The following VWA8 variants were observed in gnomAD, a reference collection of about 807,000 sequenced individuals.
VWA8 encodes the protein von Willebrand factor A domain containing 8, also known as von Willebrand factor A domain-containing protein 8.
A neutral mutation model predicts 241.5 loss-of-function variants in VWA8; 221 were observed. The observed-to-expected ratio is 0.91, with a 90% confidence interval of 0.82 to 1.02. The LOEUF (loss-of-function observed/expected upper bound fraction) is 1.02, where lower values mean the gene tolerates loss of function less well. VWA8 is among the 50% of genes least tolerant of loss of function. VWA8 has a pLI of 0.00. For missense variants in VWA8, 2,322 were observed against 2,328.7 expected, an observed-to-expected ratio of 1.00 and a Z score of 0.06; for synonymous variants, 852 against 827.1, an observed-to-expected ratio of 1.03 and a Z score of -0.52.
At chr13:41,954,524 A>G (rs1168602587) in intron 1 of VWA8, among the ~76,000 whole-genome samples, 1 of 152,146 alleles carries the variant, frequency 6.6e-6, no homozygotes, top group African/African-American at 2.4e-5. Context: ...CTCCCCATTG[A>G]ACCTTCCCTA....
In VWA8 at chr13:41,704,463, C is replaced by A. The variant is rs79536880; in HGVS notation, c.3117-1052G>T. Among the ~76,000 whole-genome samples the A allele has an allele frequency of 1.8e-3, 17 of 9,206 alleles. No homozygotes were observed. The East Asian group carries it at 0.12, about 64-fold the overall frequency. 6.0% of individuals were successfully genotyped at this position (9,206 alleles called of 152,430 possible). A position where few individuals can be genotyped will look rare whatever the true frequency, so the allele number is the denominator to read the frequency against. On this transcript the variant is annotated intron_variant, in intron 26 of 44. Coordinates refer to ENST00000379310, the MANE Select transcript of VWA8 (RefSeq NM_015058.2). ...GCAGATAATTTTTTTTAAGTCTTCA[C>A]TTTTTTTTTTTTTTCTTTGAGACAG...
At position 41,885,995 on chromosome 13, in the gene VWA8, C is replaced by CA; in HGVS notation, c.899dup (p.Cys301ValfsTer17). 6.2e-7 allele frequency: 1 copy of CA among 1,606,430 alleles called. No individual in the cohort carries two copies. The highest frequency in any genetic ancestry group is 1.7e-4 in the Middle Eastern group (1 of 6,050). On this transcript the variant is annotated frameshift_variant, in exon 8 of 45. Coordinates refer to ENST00000379310, the MANE Select transcript of VWA8 (RefSeq NM_015058.2). LOFTEE classifies it high-confidence loss of function. ...CAAGAGTAGAAGATTCTTGGGAACA[C>CA]AGAGTTGTGGCAAAGGACAAGAGCT...
intron 38 of VWA8, among the ~76,000 whole-genome samples, chr13:41,612,067 TTTTA>T (rs1593649507): frequency 1.3e-5 from 2 of 152,352 alleles, no homozygotes; most frequent in East Asian, 3.9e-4. Context: ...GGATGAGATA[TTTTA>T]TTTACTTTTG....
chr13:41,873,458 GA>G (rs2138061199), intron 9 of VWA8, among the ~76,000 whole-genome samples: 1 of 152,084 alleles, frequency 6.6e-6, no homozygotes, highest in East Asian at 1.9e-4. Context: ...AAGAAAAAAA[GA>G]GAGAAGAATC....
chr13:41,613,399 G>A (rs142088549), intron 38 of VWA8, among the ~76,000 whole-genome samples: 188 of 152,344 alleles, frequency 1.2e-3, no homozygotes, highest in Non-Finnish European at 1.7e-3. Context: ...TAACTGGACA[G>A]TGACAATGAG....
In VWA8 at chr13:41,658,626, G is replaced by A. The variant is rs929434195; in HGVS notation, c.4611+12320C>T. ...AAACATCCGTAATGTCTGCCTCCACGTCCCATAGTCAGCCAGTCTCCAACA... is the reference window on the plus strand; with the variant it reads ...AAACATCCGTAATGTCTGCCTCCACATCCCATAGTCAGCCAGTCTCCAACA... On this transcript the variant is annotated intron_variant, in intron 37 of 44. Transcript: ENST00000379310. Among the ~76,000 whole-genome samples, 8 of 152,214 alleles carry A rather than the reference G, an allele frequency of 5.3e-5. No homozygotes were observed. In the East Asian group the frequency reaches 7.7e-4, roughly 15 times the overall value.
At chr13:41,657,479 ATTC>A (rs1379717106) in intron 37 of VWA8, among the ~76,000 whole-genome samples, 1 of 148,182 alleles carries the variant, frequency 6.7e-6, no homozygotes, top group Non-Finnish European at 1.5e-5. Flanking sequence ...GAGAAAAGTT[ATTC>A]TTTTTTTTTT....
chr13:41,783,924 A>T lies in VWA8; in HGVS notation c.2171-23T>A, dbSNP rs199706847. 5 of 1,577,826 alleles carry T rather than the reference A, an allele frequency of 3.2e-6. No homozygotes were observed. In the African/African-American group the frequency reaches 6.7e-5, roughly 21 times the overall value. On this transcript the variant is annotated intron_variant, in intron 18 of 44. Transcript: ENST00000379310. ...CACCTAAACATTTCACACAGGACGG[A>T]TAATTATTCATAGCACTGTCCTCAG... is the stretch of plus-strand genomic sequence containing the variant.
Position 41,819,353 on chromosome 13 carries a change from G to T in VWA8, c.1734C>A (p.Ile578=). Residue 578 remains isoleucine (I), a synonymous_variant, in exon 15 of 45, where the codon ATC becomes ATA. Transcript: ENST00000379310. ...SIFPIHPSFR[I]IALAEPPVIG... ...TAACAGGGGGTTCTGCCAAGGCAAT[G>T]ATTCTGAAGGAGGGATGGATAGGAA... 6.2e-7 allele frequency: 1 copy of T among 1,609,578 alleles called. No individual in the cohort carries two copies. The highest frequency in any genetic ancestry group is 8.5e-7 in the Non-Finnish European group (1 of 1,178,962).
rs148086634 is a variant in VWA8 at position 41,947,392 on chromosome 13, C to A, written c.241+2544G>T. Among the ~76,000 whole-genome samples the A allele has an allele frequency of 6.2e-3, 938 of 152,184 alleles. 7 individuals are homozygous for A. The highest frequency in any genetic ancestry group is 0.021 in the African/African-American group (892 of 41,520). ...CAAGAAATTAATAGCTAAGGATGGA[C>A]CTTTGTTCCCAAAATACTAAAAACT... On this transcript the variant is annotated intron_variant, in intron 2 of 44. Transcript: ENST00000379310.
At chr13:41,747,401 T>C (rs965482876) in intron 21 of VWA8, among the ~76,000 whole-genome samples, 2 of 152,218 alleles carry the variant, frequency 1.3e-5, no homozygotes, top group Non-Finnish European at 2.9e-5. Context: ...TCTGTGTTTA[T>C]CTGTTATTGG....
rs181327268 is a variant in VWA8, at chr13:41,658,354, T to C, written c.4611+12592A>G. On this transcript the variant is annotated intron_variant, in intron 37 of 44. Transcript: ENST00000379310. ...AAACATAGTTTATTTGTCCTGAGCA[T>C]TTTCCTTGATTGCTCCATTTTCCTT... Among the ~76,000 whole-genome samples, 10 of 152,374 alleles carry C rather than the reference T, an allele frequency of 6.6e-5. No homozygotes were observed. In the East Asian group the frequency reaches 1.7e-3, roughly 26 times the overall value.
At chr13:41,884,436 T>G (rs990922620) in intron 8 of VWA8, among the ~76,000 whole-genome samples, 7 of 152,212 alleles carry the variant, frequency 4.6e-5, no homozygotes, top group Non-Finnish European at 7.3e-5. Flanking sequence ...TCCATAGCCT[T>G]GCAGAACTGT....
rs183700728 is a variant in VWA8, at chr13:41,915,363, T to C, written c.242-3195A>G. Among the ~76,000 whole-genome samples the C allele has an allele frequency of 3.3e-3, 500 of 152,354 alleles. 1 individual carries two copies. Among genetic ancestry groups the C allele is most frequent in the African/African-American group, 0.01 (427 of 41,588 alleles). On this transcript the variant is annotated intron_variant, in intron 2 of 44. Transcript: ENST00000379310. ...AGTGGTTCTCAACTGGTGACCATACTGCTACCATTCTAGGCCTGCCAGGAG... is the reference window on the plus strand; with the variant it reads ...AGTGGTTCTCAACTGGTGACCATACCGCTACCATTCTAGGCCTGCCAGGAG...
intron 38 of VWA8, 46 bp downstream of exon 38, chr13:41,614,930 G>A: frequency 1.2e-6 from 2 of 1,600,466 alleles, no homozygotes; most frequent in Non-Finnish European, 1.7e-6. Flanking sequence ...AATGGGCTTG[G>A]GAAACCTGGG....
chr13:41,900,461 TA>T (rs1326921684), intron 4 of VWA8, among the ~76,000 whole-genome samples: 2 of 152,224 alleles, frequency 1.3e-5, no homozygotes, highest in Non-Finnish European at 2.9e-5. Context: ...AGCCATCTCC[TA>T]TCACAGCTTT....
intron 2 of VWA8, among the ~76,000 whole-genome samples, chr13:41,941,675 G>A (rs1490583887): frequency 6.6e-6 from 1 of 152,102 alleles, no homozygotes; most frequent in Non-Finnish European, 1.5e-5. Flanking sequence ...AGTGTCACAG[G>A]CACAGAATAA....
At chr13:41,907,240 T>G (rs1210071328) in intron 4 of VWA8, among the ~76,000 whole-genome samples, 1 of 152,204 alleles carries the variant, frequency 6.6e-6, no homozygotes, top group Non-Finnish European at 1.5e-5. Flanking sequence ...GAAAATACTT[T>G]AATAAATATG....
intron 37 of VWA8, among the ~76,000 whole-genome samples, chr13:41,636,612 A>G (rs1300399240): frequency 6.6e-6 from 1 of 152,252 alleles, no homozygotes; most frequent in Non-Finnish European, 1.5e-5. Context: ...CTGTACAGCA[A>G]AAGAAACTAC....
Sources: gnomAD v4.1 joint callset for allele counts (sites outside exome capture counted in the v4.1 genomes callset) on GRCh38, gnomAD v4.1.1 for gene constraint, MANE v1.5 for transcripts, NCBI Gene and HGNC (gene_info 2026-07-23, HGNC 2026-07-21) for gene names.